Variants in PPFIA2 observed in about 807,000 individuals in gnomAD.
PPFIA2 encodes PPFI scaffold protein A2.
PPFIA2 carries 46 observed loss-of-function variants against 175.5 expected under a neutral mutation model. The observed-to-expected ratio is 0.26, with a 90% confidence interval of 0.21 to 0.34. The LOEUF (loss-of-function observed/expected upper bound fraction) is 0.34, where lower values mean the gene tolerates loss of function less well. Among genes scored for constraint, PPFIA2 ranks in the 10% least tolerant of loss-of-function variants. PPFIA2 has a pLI of 1.00. For missense variants in PPFIA2, 1,179 were observed against 1,506.1 expected, an observed-to-expected ratio of 0.78 and a Z score of 3.60; for synonymous variants, 568 against 511.4, an observed-to-expected ratio of 1.11 and a Z score of -1.49.
intron 4 of PPFIA2, among the ~76,000 whole-genome samples, chr12:81,607,553 G>A (rs1395615103): frequency 6.6e-6 from 1 of 151,850 alleles, no homozygotes; most frequent in African/African-American, 2.4e-5. Flanking sequence ...CATTTTCTTT[G>A]TGGCTACTGT....
At chr12:81,614,628 T>G (rs1316926924) in intron 4 of PPFIA2, among the ~76,000 whole-genome samples, 1 of 152,176 alleles carries the variant, frequency 6.6e-6, no homozygotes, top group East Asian at 1.9e-4. Context: ...CTTACCTTGC[T>G]AGCAAATACA....
chr12:81,749,643 G>A (rs2083490408), intron 3 of PPFIA2, among the ~76,000 whole-genome samples: 1 of 144,090 alleles, frequency 6.9e-6, no homozygotes, highest in South Asian at 2.2e-4. Flanking sequence ...TATATGTATA[G>A]AAATGATCAT....
intron 3 of PPFIA2, among the ~76,000 whole-genome samples, chr12:81,738,125 A>C (rs1468367636): frequency 6.6e-6 from 1 of 151,802 alleles, no homozygotes; most frequent in East Asian, 1.9e-4. Context: ...AAAAAAAAAA[A>C]GGACAGTTTA....
intron 4 of PPFIA2, chr12:81,545,307 C>T (rs549443681): frequency 3.9e-5 from 6 of 152,198 alleles, no homozygotes; most frequent in African/African-American, 1.4e-4. Context: ...CCAATATTTT[C>T]CTTCAGTTTT....
chr12:81,478,427 T>G (rs1249334585), intron 4 of PPFIA2, among the ~76,000 whole-genome samples: 1 of 152,280 alleles, frequency 6.6e-6, no homozygotes, highest in East Asian at 1.9e-4. Flanking sequence ...TGCTCTGATC[T>G]TAGTTATTTC....
At chr12:81,496,285 C>A (rs1306832906) in intron 4 of PPFIA2, among the ~76,000 whole-genome samples, 2 of 152,058 alleles carry the variant, frequency 1.3e-5, no homozygotes, top group African/African-American at 2.4e-5. Flanking sequence ...TATCCACAAG[C>A]AATGTGTGAT....
chr12:81,606,870 G>C (rs924587262), intron 4 of PPFIA2, among the ~76,000 whole-genome samples: 7 of 152,002 alleles, frequency 4.6e-5, no homozygotes, highest in Admixed American at 1.3e-4. Context: ...TGGGGACTTG[G>C]CAAAAAAATA....
In PPFIA2 at chr12:81,592,946, C is replaced by T. The variant is rs181332555; in HGVS notation, c.303+83845G>A. Among the ~76,000 whole-genome samples the T allele has an allele frequency of 2.4e-3, 370 of 151,588 alleles. 1 individual carries two copies. Among genetic ancestry groups the T allele is most frequent in the Non-Finnish European group, 3.7e-3 (249 of 67,840 alleles). On this transcript the variant is annotated intron_variant, in intron 4 of 32. Coordinates refer to ENST00000549396, the MANE Select transcript of PPFIA2 (RefSeq NM_003625.5). ...AATTTTTTTGTATTTTTGATAGAGA[C>T]GGGGTTTCTCTGTGTTGCCTAAGCT...
chr12:81,506,101 T>C (rs2061141001), intron 4 of PPFIA2: 1 of 152,210 alleles, frequency 6.6e-6, no homozygotes, highest in Admixed American at 6.5e-5. Context: ...ATCATGAAAA[T>C]GTTTCCATGC....
intron 4 of PPFIA2, among the ~76,000 whole-genome samples, chr12:81,663,168 A>G (rs984711659): frequency 6.6e-6 from 1 of 152,194 alleles, no homozygotes; most frequent in Non-Finnish European, 1.5e-5. Context: ...TATTCAACAC[A>G]GTGTGGGAAG....
At chr12:81,739,232 T>G (rs2082036381) in intron 3 of PPFIA2, among the ~76,000 whole-genome samples, 1 of 151,974 alleles carries the variant, frequency 6.6e-6, no homozygotes, top group Non-Finnish European at 1.5e-5. Flanking sequence ...TTAAATATAT[T>G]TGACAGTTAC....
intron 4 of PPFIA2, among the ~76,000 whole-genome samples, chr12:81,593,693 G>T (rs2058934098): frequency 6.6e-6 from 1 of 152,178 alleles, no homozygotes; most frequent in South Asian, 2.1e-4. Context: ...AGAGGAGGTA[G>T]CATGTGAGAT....
intron 25 of PPFIA2, 64 bp downstream of exon 25, chr12:81,284,177 T>C: frequency 8.0e-7 from 1 of 1,255,638 alleles, no homozygotes; most frequent in Non-Finnish European, 1.1e-6. Context: ...AACAGATTAG[T>C]TTCCTCATCC....
At chr12:81,404,989 A>G (rs574459656) in intron 8 of PPFIA2, among the ~76,000 whole-genome samples, 1 of 152,290 alleles carries the variant, frequency 6.6e-6, no homozygotes, top group East Asian at 1.9e-4. Context: ...TTACAGGCAA[A>G]TGATTCTCCT....
intron 3 of PPFIA2, among the ~76,000 whole-genome samples, chr12:81,678,856 C>A (rs945609131): frequency 6.6e-6 from 1 of 151,668 alleles, no homozygotes; most frequent in Non-Finnish European, 1.5e-5. Context: ...CTAATTATAT[C>A]GGCATTTTTT....
intron 3 of PPFIA2, among the ~76,000 whole-genome samples, chr12:81,681,715 GA>G (rs5799548): frequency 0.33 from 47,684 of 146,214 alleles, 8,450 homozygotes; most frequent in Middle Eastern, 0.5. Flanking sequence ...GTGTGCAAGT[GA>G]AAAAAAAAAA....
intron 4 of PPFIA2, chr12:81,598,036 TG>T (rs2059427861): frequency 2.0e-6 from 3 of 1,534,772 alleles, no homozygotes; most frequent in Non-Finnish European, 2.6e-6. Context: ...AAATCATTTC[TG>T]ATCACTGAGA....
intron 3 of PPFIA2, among the ~76,000 whole-genome samples, chr12:81,714,764 G>A (rs2078380460): frequency 6.6e-6 from 1 of 151,042 alleles, no homozygotes; most frequent in Non-Finnish European, 1.5e-5. Context: ...AAACATATGT[G>A]GTTGATTTCA....
intron 3 of PPFIA2, among the ~76,000 whole-genome samples, chr12:81,694,189 G>C (rs141761911): frequency 1.3e-5 from 2 of 152,268 alleles, no homozygotes; most frequent in East Asian, 1.9e-4. Context: ...CCACTTGCTA[G>C]AGAAATTTGC....
Sources: gnomAD v4.1 joint callset for allele counts (sites outside exome capture counted in the v4.1 genomes callset) on GRCh38, gnomAD v4.1.1 for gene constraint, MANE v1.5 for transcripts, NCBI Gene and HGNC (gene_info 2026-07-23, HGNC 2026-07-21) for gene names.